Variants in TRIM7 observed in about 807,000 individuals in gnomAD.
The protein encoded by TRIM7 is E3 ubiquitin-protein ligase TRIM7.
TRIM7 carries 32 observed loss-of-function variants against 37.9 expected under a neutral mutation model. The ratio of observed to expected loss-of-function variants is 0.84; its 90% CI spans 0.64 to 1.13. The LOEUF (loss-of-function observed/expected upper bound fraction) is 1.13, where lower values mean the gene tolerates loss of function less well. Among genes scored for constraint, TRIM7 ranks in the 50% most tolerant of loss-of-function variants. The pLI, the probability that TRIM7 is intolerant of heterozygous loss-of-function variation, is 0.00. For missense variants in TRIM7, 732 were observed against 714.0 expected (o/e 1.03, Z -0.29); for synonymous variants, 351 against 321.3 (o/e 1.09, Z -0.99).
At chr5:181,201,117 A>G (rs1227396632) in intron 2 of TRIM7, 1 of 163,896 alleles carries the variant, frequency 6.1e-6, no homozygotes, top group African/African-American at 2.4e-5. Context: ...AGTATTTGCC[A>G]AAATACTCTA....
chr5:181,198,422 C>T (rs1241903489), intron 5 of TRIM7: 1 of 653,390 alleles, frequency 1.5e-6, no homozygotes, highest in Non-Finnish European at 2.7e-6. Context: ...CCAAGTGGCT[C>T]TGAGCTGAGC....
At chr5:181,200,866 G>A (rs1004799893) in intron 2 of TRIM7, 1 of 985,460 alleles carries the variant, frequency 1.0e-6, no homozygotes, top group Non-Finnish European at 1.2e-6. Flanking sequence ...GTGAAGTTGG[G>A]AGACCTGGGT....
chr5:181,198,973 C>T, intron 4 of TRIM7, 122 bp downstream of exon 4: 2 of 1,390,578 alleles, frequency 1.4e-6, no homozygotes, highest in Non-Finnish European at 2.0e-6. Flanking sequence ...CTCGGAAGGT[C>T]CCCAGGCAAG....
At position 181,194,851 on chromosome 5, in the gene TRIM7, C is replaced by A; in HGVS notation, c.*315G>T. 1 of 296,494 alleles carries A rather than the reference C, an allele frequency of 3.4e-6. No homozygotes were observed. The highest frequency in any genetic ancestry group is 6.2e-6 in the Non-Finnish European group (1 of 160,492). The allele number at this position is 296,494 out of a possible 1,614,324, so 18.4% of individuals were successfully genotyped here. A position where few individuals can be genotyped will look rare whatever the true frequency, so the allele number is the denominator to read the frequency against. On this transcript the variant is annotated 3_prime_UTR_variant, in exon 7 of 7. Transcript: ENST00000274773. ...TTTGACATTGTTTTAGGGAGCCAGG[C>A]ACCCTTCCCAGTCAGGGCAGAAGCC...
chr5:181,203,423 C>T (rs781732528), intron 2 of TRIM7, 122 bp downstream of exon 2: 11 of 1,528,562 alleles, frequency 7.2e-6, no homozygotes, highest in Non-Finnish European at 8.8e-6. Context: ...ACTCTATTAT[C>T]TTTCTGAAAT....
At position 181,195,114 on chromosome 5, in the gene TRIM7, G is replaced by T; in HGVS notation, c.*52C>A. 2 of 1,546,534 alleles carry T rather than the reference G, an allele frequency of 1.3e-6. No homozygotes were observed. The highest frequency in any genetic ancestry group is 1.2e-5 in the South Asian group (1 of 80,584). On this transcript the variant is annotated 3_prime_UTR_variant, in exon 7 of 7. Coordinates refer to ENST00000274773, the MANE Select transcript of TRIM7 (RefSeq NM_203293.3). ...ACGGACCAGGCATCTCTGGGGAGGC[G>T]ACATCCCCTCCCACCGGCAGCCCAG... is the stretch of plus-strand genomic sequence containing the variant.
chr5:181,198,210 G>T lies in TRIM7; in HGVS notation c.997C>A (p.Arg333=), dbSNP rs148921840. Residue 333 remains arginine, a synonymous_variant, in exon 6 of 7, where the codon CGG becomes AGG. Coordinates refer to ENST00000274773, the MANE Select transcript of TRIM7 (RefSeq NM_203293.3). ...GMLKKFKEDL[R]GELEKEEKVE... ...TTCTCCTCTTTCTCCAGCTCTCCCC[G>T]AAGGTCCTCTGAGGAGGAGAAACAA... is the stretch of plus-strand genomic sequence containing the variant. The T allele has an allele frequency of 7.1e-5, 114 of 1,614,092 alleles. No individual in the cohort carries two copies. In the African/African-American group the frequency reaches 7.6e-4, roughly 11 times the overall value.
At chr5:181,195,859 G>GT (rs1365658567) in intron 6 of TRIM7, 182 bp from the exon 7 acceptor site, 5 of 617,344 alleles carry the variant, frequency 8.1e-6, no homozygotes, top group Admixed American at 4.5e-5. Flanking sequence ...GCTTCCCCCC[G>GT]CCCCGACCAC....
At chr5:181,195,987 G>A in intron 6 of TRIM7, 1 of 353,540 alleles carries the variant, frequency 2.8e-6, no homozygotes, top group East Asian at 4.4e-5. Context: ...ATCTGTCCAG[G>A]TGTGAGGACT....
At chr5:181,202,790 TC>T (rs1478623413) in intron 2 of TRIM7, 1 of 149,322 alleles carries the variant, frequency 6.7e-6, no homozygotes, top group African/African-American at 2.5e-5. Context: ...GGTCTTGATC[TC>T]CTGACCTCGT....
At chr5:181,203,802 A>C in intron 1 of TRIM7, 162 bp from the exon 2 acceptor site, 1 of 1,371,460 alleles carries the variant, frequency 7.3e-7, no homozygotes, top group African/African-American at 1.5e-5. Context: ...CTGCGAGGTG[A>C]CTCTGAAGGT....
At chr5:181,197,705 C>G (rs953881001) in intron 6 of TRIM7, 2 of 169,360 alleles carry the variant, frequency 1.2e-5, no homozygotes, top group African/African-American at 4.8e-5. Context: ...TCTGACTTAG[C>G]TCAGACATCA....
chr5:181,203,647 A>G lies in TRIM7; in HGVS notation c.523-7T>C, dbSNP rs774316898. On this transcript the variant is annotated splice_polypyrimidine_tract_variant and splice_region_variant and intron_variant, in intron 1 of 6. Coordinates refer to ENST00000274773, the MANE Select transcript of TRIM7 (RefSeq NM_203293.3). ...GCCTGGACTCCAAGAGCTCCTGTAG[A>G]TGAAGGGAAACAATGTAAGGTGGGG... The G allele has an allele frequency of 6.2e-7, 1 of 1,605,994 alleles. No homozygotes were observed. Among genetic ancestry groups the G allele is most frequent in the Admixed American group, 1.7e-5 (1 of 57,772 alleles).
chr5:181,199,341 G>A (rs2261205), intron 3 of TRIM7: 67,123 of 599,956 alleles, frequency 0.11, 8,493 homozygotes, highest in African/African-American at 0.5. Context: ...AACTCTTCAC[G>A]TGCTTTCTTT....
chr5:181,195,104 C>T lies in TRIM7; in HGVS notation c.*62G>A, dbSNP rs1252532596. On this transcript the variant is annotated 3_prime_UTR_variant, in exon 7 of 7. Transcript: ENST00000274773. ...CAGACCCAAGACGGACCAGGCATCTCTGGGGAGGCGACATCCCCTCCCACC... is the reference window on the plus strand; with the variant it reads ...CAGACCCAAGACGGACCAGGCATCTTTGGGGAGGCGACATCCCCTCCCACC... 1 of 1,539,616 alleles carries T rather than the reference C, an allele frequency of 6.5e-7. No homozygotes were observed. The highest frequency in any genetic ancestry group is 2.0e-4 in the Middle Eastern group (1 of 5,028).
intron 6 of TRIM7, chr5:181,197,945 G>A (rs975493100): frequency 2.9e-5 from 16 of 557,084 alleles, no homozygotes; most frequent in African/African-American, 2.1e-4. Context: ...TGAGTATCTC[G>A]AGGTACAGGG....
At chr5:181,195,877 GTACT>G (rs1757089699) in intron 6 of TRIM7, 200 bp from the exon 7 acceptor site, 1 of 530,570 alleles carries the variant, frequency 1.9e-6, no homozygotes, top group Non-Finnish European at 3.1e-6. Flanking sequence ...CACTCAACAA[GTACT>G]TACTGAAATC....
intron 2 of TRIM7, chr5:181,202,753 CA>C (rs59159945): frequency 0.088 from 13,357 of 151,340 alleles, 1,585 homozygotes; most frequent in African/African-American, 0.27. Flanking sequence ...TTAGTAGAGA[CA>C]GGGGTTTCAC....
Position 181,204,910 on chromosome 5 carries a change from G to A in TRIM7, c.201C>T (p.Ala67=). The change falls in exon 1 of 7, where the codon GCC becomes GCT. Residue 67 remains alanine (A), a synonymous_variant. Transcript: ENST00000274773. The part of the protein sequence containing the change: ...WERPGAGSVG[A]ATRAPPFPLP... ...GTGGGAAGGGGGGCGCGCGGGTGGC[G>A]GCCCCAACAGACCCCGCGCCCGGGC... 1.4e-6 allele frequency: 2 copies of A among 1,379,634 alleles called. No homozygotes were observed. The highest frequency in any genetic ancestry group is 1.9e-6 in the Non-Finnish European group (2 of 1,076,182). The allele number at this position is 1,379,634 out of a possible 1,614,324, so 85.5% of individuals were successfully genotyped here.
Sources: allele counts gnomAD v4.1 joint callset, GRCh38; gene constraint gnomAD v4.1.1; transcripts MANE v1.5; gene names NCBI Gene and HGNC (gene_info 2026-07-23, HGNC 2026-07-21).